The following SLC22A2 variants were observed in gnomAD, a reference collection of about 807,000 sequenced individuals.
SLC22A2 encodes the protein solute carrier family 22 member 2, also known as organic cation transporter 2.
In SLC22A2, 46 loss-of-function variants were observed where a neutral mutation model predicts 60.5. The observed-to-expected ratio is 0.76, with a 90% CI of 0.60 to 0.97. SLC22A2 has a LOEUF of 0.97. Ranked by LOEUF, SLC22A2 falls within the 50% of genes least tolerant of loss-of-function variation. SLC22A2 has a pLI of 0.00. For missense variants in SLC22A2, 701 were observed against 706.6 expected (o/e 0.99, Z 0.09); for synonymous variants, 303 against 267.0 (o/e 1.13, Z -1.31).
At chr6:160,253,508 G>A (rs183532680) in intron 2 of SLC22A2, among the ~76,000 whole-genome samples, 182 of 152,182 alleles carry the variant, frequency 1.2e-3, no homozygotes, top group Admixed American at 2.4e-3. Flanking sequence ...CCTCAGTTTG[G>A]TCTGGTGTCC....
chr6:160,257,427 C>T (rs73782101), intron 1 of SLC22A2, among the ~76,000 whole-genome samples: 1 of 152,130 alleles, frequency 6.6e-6, no homozygotes, highest in Non-Finnish European at 1.5e-5. Context: ...AAGTTATTCA[C>T]TGTGTGGCCT....
rs80316057 is a variant in SLC22A2 at position 160,257,958 on chromosome 6, G to C, written c.414+386C>G. 8.6e-4 allele frequency: 165 copies of C among 192,480 alleles called. 4 individuals carry two copies. In the East Asian group the frequency reaches 0.022, roughly 26 times the overall value. 11.9% of individuals were successfully genotyped at this position (192,480 alleles called of 1,614,324 possible). ...CAGGCACAGTTCAGTTGAGTTCCAC[G>C]GGCTTTCAGGTGTGTGTGGGCATCT... On this transcript the variant is annotated intron_variant, in intron 1 of 10. Coordinates refer to ENST00000366953, the MANE Select transcript of SLC22A2 (RefSeq NM_003058.4).
At chr6:160,230,304 G>T (rs1440796473) in intron 9 of SLC22A2, among the ~76,000 whole-genome samples, 3 of 151,922 alleles carry the variant, frequency 2.0e-5, no homozygotes, top group Non-Finnish European at 4.4e-5. Context: ...GGTGGCTGGA[G>T]CTAAAGGCGT....
intron 10 of SLC22A2, 56 bp from the exon 11 acceptor site, chr6:160,217,554 A>G (rs1313564388): frequency 4.0e-5 from 37 of 918,346 alleles, no homozygotes; most frequent in Non-Finnish European, 6.0e-5. Context: ...GAGGCTGAAA[A>G]CCAAAATAAA....
chr6:160,236,483 CT>C (rs1176039296), intron 9 of SLC22A2, among the ~76,000 whole-genome samples: 1 of 152,184 alleles, frequency 6.6e-6, no homozygotes, highest in African/African-American at 2.4e-5. Flanking sequence ...TACCTGATTT[CT>C]CCAGAATTTG....
chr6:160,221,482 T>C (rs945825283), intron 10 of SLC22A2, among the ~76,000 whole-genome samples: 1 of 152,234 alleles, frequency 6.6e-6, no homozygotes, highest in Admixed American at 6.5e-5. Flanking sequence ...CAAGAACTTT[T>C]CCTGTGCATT....
At chr6:160,238,860 A>G (rs1360524627) in intron 9 of SLC22A2, among the ~76,000 whole-genome samples, 1 of 152,204 alleles carries the variant, frequency 6.6e-6, no homozygotes, top group Non-Finnish European at 1.5e-5. Flanking sequence ...TTTGTTAAAT[A>G]GTACTTAGAG....
At chr6:160,258,278 G>C in intron 1 of SLC22A2, 66 bp downstream of exon 1, 1 of 1,519,072 alleles carries the variant, frequency 6.6e-7, no homozygotes, top group Non-Finnish European at 8.8e-7. Context: ...GGCCTTCCCT[G>C]CTTGCTTCCT....
At chr6:160,254,189 A>G (rs897982239) in intron 2 of SLC22A2, among the ~76,000 whole-genome samples, 19 of 152,124 alleles carry the variant, frequency 1.2e-4, no homozygotes, top group African/African-American at 4.3e-4. Context: ...GAGGCAGGAG[A>G]ATTGCTTGAA....
rs570061253 is a variant in SLC22A2 at position 160,245,293 on chromosome 6, C to A, written c.1064+146G>T. On this transcript the variant is annotated intron_variant, in intron 6 of 10. Transcript: ENST00000366953. The stretch of plus-strand genomic sequence containing the variant: ...AATATTTGCCCAAGAAAAACACGAT[C>A]AGGAAAACCTACCAGACACAACCCA... The A allele has an allele frequency of 7.7e-5, 39 of 509,724 alleles. No individual in the cohort carries two copies. In the East Asian group the frequency reaches 9.9e-4, roughly 13 times the overall value. The allele number at this position is 509,724 out of a possible 1,614,324, so 31.6% of individuals were successfully genotyped here.
intron 10 of SLC22A2, among the ~76,000 whole-genome samples, chr6:160,220,832 A>T (rs1782632732): frequency 6.6e-6 from 1 of 152,192 alleles, no homozygotes; most frequent in Non-Finnish European, 1.5e-5. Context: ...CGGGCTTAAA[A>T]TAGTCAATAA....
At chr6:160,219,150 T>C (rs371525136) in intron 10 of SLC22A2, among the ~76,000 whole-genome samples, 1 of 116 alleles carries the variant, frequency 8.6e-3, no homozygotes. Context: ...ACACCAGCAG[T>C]AACAACAGCA....
chr6:160,256,070 C>T (rs919964508), intron 2 of SLC22A2, among the ~76,000 whole-genome samples: 2 of 152,098 alleles, frequency 1.3e-5, no homozygotes, highest in Non-Finnish European at 2.9e-5. Context: ...GTGTTGTAGG[C>T]AGACCCTGTT....
At chr6:160,221,596 T>C (rs114557647) in intron 10 of SLC22A2, among the ~76,000 whole-genome samples, 1,972 of 152,318 alleles carry the variant, frequency 0.013, 34 homozygotes, top group African/African-American at 0.045. Flanking sequence ...TGCTTTACAG[T>C]TGAGACTTGC....
At position 160,256,721 on chromosome 6, in the gene SLC22A2, C is replaced by A; in HGVS notation, c.415-4G>T. Reference sequence around the variant, plus strand: ...AGTTGGCACATACCAGGTTAAACTGCCAGCAGGGGAGAAGTGTTCCAAGTT... The same window carrying A: ...AGTTGGCACATACCAGGTTAAACTGACAGCAGGGGAGAAGTGTTCCAAGTT... On this transcript the variant is annotated splice_region_variant and splice_polypyrimidine_tract_variant and intron_variant, in intron 1 of 10. Transcript: ENST00000366953. 1 of 1,599,830 alleles carries A rather than the reference C, an allele frequency of 6.3e-7. No homozygotes were observed. The highest frequency in any genetic ancestry group is 8.6e-7 in the Non-Finnish European group (1 of 1,167,160).
chr6:160,234,145 A>G (rs1357385519), intron 9 of SLC22A2, among the ~76,000 whole-genome samples: 4 of 151,730 alleles, frequency 2.6e-5, no homozygotes, highest in African/African-American at 7.3e-5. Flanking sequence ...GCCTGCCGAG[A>G]ACTACCCACT....
intron 9 of SLC22A2, among the ~76,000 whole-genome samples, chr6:160,236,882 C>T (rs1782920265): frequency 6.6e-6 from 1 of 152,120 alleles, no homozygotes; most frequent in South Asian, 2.1e-4. Flanking sequence ...AAAGTCTTAT[C>T]TGAGATTCCT....
At chr6:160,217,817 G>A (rs370462046) in intron 10 of SLC22A2, 1 of 192,326 alleles carries the variant, frequency 5.2e-6, no homozygotes, top group Non-Finnish European at 1.0e-5. Flanking sequence ...ATCAGTTAAA[G>A]ATGAAGATTG....
chr6:160,253,037 C>A (rs529588048), intron 2 of SLC22A2, among the ~76,000 whole-genome samples: 5 of 152,282 alleles, frequency 3.3e-5, no homozygotes, highest in African/African-American at 1.2e-4. Flanking sequence ...GCAGGACAGG[C>A]AAGCACCAAA....
Sources: allele counts gnomAD v4.1 joint callset (sites outside exome capture counted in the v4.1 genomes callset), GRCh38; gene constraint gnomAD v4.1.1; transcripts MANE v1.5; gene names NCBI Gene and HGNC (gene_info 2026-07-23, HGNC 2026-07-21).